KDSR: variants seen among roughly 807,000 people sequenced by gnomAD.
The protein encoded by KDSR is 3-ketodihydrosphingosine reductase.
In KDSR, 23 loss-of-function variants were observed where a neutral mutation model predicts 41.3. That is an observed-to-expected ratio of 0.56 (90% CI 0.40 to 0.79). KDSR has a LOEUF of 0.79. Among genes scored for constraint, KDSR ranks in the 30% least tolerant of loss-of-function variants. The pLI is 0.00. For synonymous variants in KDSR, 138 were observed against 151.7 expected (o/e 0.91, Z 0.66); for missense variants, 351 against 416.8 (o/e 0.84, Z 1.37).
At position 63,327,983 on chromosome 18, in the gene KDSR, G is replaced by A. The variant is rs986820997; in HGVS notation, c.*3799C>T. 4.0e-5 allele frequency: 8 copies of A among 201,932 alleles called. No individual in the cohort carries two copies. The highest frequency in any genetic ancestry group is 9.2e-5 in the African/African-American group (4 of 43,474). 12.5% of individuals were successfully genotyped at this position (201,932 alleles called of 1,614,324 possible). A position where few individuals can be genotyped will look rare whatever the true frequency, so the allele number is the denominator to read the frequency against. On this transcript the variant is annotated 3_prime_UTR_variant, in exon 10 of 10. Coordinates refer to ENST00000645214, the MANE Select transcript of KDSR (RefSeq NM_002035.4). ...CAGTTACTGCACTGAAGTATAATCC[G>A]AAGAGCAAGATTTAGTCCAGAATAT... is the stretch of plus-strand genomic sequence containing the variant.
intron 9 of KDSR, among the ~76,000 whole-genome samples, chr18:63,333,172 G>A (rs1352085655): frequency 6.6e-6 from 1 of 152,092 alleles, no homozygotes; most frequent in Non-Finnish European, 1.5e-5. Context: ...GCTCACTGTA[G>A]CTTCAGACTT....
intron 1 of KDSR, chr18:63,366,771 C>A (rs957679431): frequency 2.6e-6 from 1 of 379,428 alleles, no homozygotes; most frequent in African/African-American, 2.1e-5. Context: ...CGGCGGGGTC[C>A]CCCGTCGCAC....
Position 63,338,305 on chromosome 18 carries a change from C to G in KDSR, c.777+495G>C, listed in dbSNP as rs540856622. Among the ~76,000 whole-genome samples the G allele has an allele frequency of 3.3e-5, 5 of 152,318 alleles. No homozygotes were observed. The South Asian group carries it at 1.0e-3, about 32-fold the overall frequency. ...AAAAGCATGAGGCACATATGTTGTTCTTCTACAAAACAGCACATCATTTCT... is the reference window on the plus strand; with the variant it reads ...AAAAGCATGAGGCACATATGTTGTTGTTCTACAAAACAGCACATCATTTCT... On this transcript the variant is annotated intron_variant, in intron 8 of 9. Transcript: ENST00000645214.
Position 63,362,814 on chromosome 18 carries a change from G to T in KDSR, c.163C>A (p.Gln55Lys), listed in dbSNP as rs769130769. 1 of 1,613,604 alleles carries T rather than the reference G, an allele frequency of 6.2e-7. No individual in the cohort carries two copies. Among genetic ancestry groups the T allele is most frequent in the Non-Finnish European group, 8.5e-7 (1 of 1,179,628 alleles). Reference sequence around the variant, plus strand: ...GCAACCAGAGTTATAAAAGCTCCTTGTTTATAGCACTCGATAGCAATGCAC... The same window carrying T: ...GCAACCAGAGTTATAAAAGCTCCTTTTTTATAGCACTCGATAGCAATGCAC... The part of the protein sequence containing the change: ...GKCIAIECYK[Q>K]GAFITLVARN... Residue 55 changes from glutamine (Q) to lysine (K), a missense_variant, in exon 2 of 10, where the codon CAA (glutamine) becomes AAA (lysine). Transcript: ENST00000645214.
At position 63,331,002 on chromosome 18, in the gene KDSR, A is replaced by G. The variant is rs1032787877; in HGVS notation, c.*780T>C. On this transcript the variant is annotated 3_prime_UTR_variant, in exon 10 of 10. Coordinates refer to ENST00000645214, the MANE Select transcript of KDSR (RefSeq NM_002035.4). Reference sequence around the variant, plus strand: ...ACATTTAAGGAGGCTGCCTTTCCCCATGAATGAGAAATGAAACGTTCCCTA... The same window carrying G: ...ACATTTAAGGAGGCTGCCTTTCCCCGTGAATGAGAAATGAAACGTTCCCTA... 7 of 231,788 alleles carry G rather than the reference A, an allele frequency of 3.0e-5. No individual in the cohort carries two copies. Among genetic ancestry groups the G allele is most frequent in the Admixed American group, 2.8e-4 (5 of 17,726 alleles). The allele number at this position is 231,788 out of a possible 1,614,324, so 14.4% of individuals were successfully genotyped here.
chr18:63,361,166 C>T (rs1332322304), intron 2 of KDSR, among the ~76,000 whole-genome samples: 5 of 120,784 alleles, frequency 4.1e-5, no homozygotes, highest in Non-Finnish European at 6.6e-5. Flanking sequence ...GCCAAGACAG[C>T]GCCACTGCAC....
At chr18:63,363,208 T>C (rs975750157) in intron 1 of KDSR, among the ~76,000 whole-genome samples, 1 of 111,530 alleles carries the variant, frequency 9.0e-6, no homozygotes, top group Non-Finnish European at 1.8e-5. Flanking sequence ...TCTTATTTTC[T>C]TTTTTTTTTT....
Position 63,367,205 on chromosome 18 carries a change from A to C in KDSR, c.-87T>G. On this transcript the variant is annotated 5_prime_UTR_variant, in exon 1 of 10. Coordinates refer to ENST00000645214, the MANE Select transcript of KDSR (RefSeq NM_002035.4). Reference sequence around the variant, plus strand: ...GCTGGGCTGCGGCGAGGCGAGAATCACGCGCGGCGGGCGGGCGCCTGGAGT... The same window carrying C: ...GCTGGGCTGCGGCGAGGCGAGAATCCCGCGCGGCGGGCGGGCGCCTGGAGT... The C allele has an allele frequency of 1.6e-6, 1 of 626,014 alleles. No individual in the cohort carries two copies. 38.8% of individuals were successfully genotyped at this position (626,014 alleles called of 1,614,324 possible). A position where few individuals can be genotyped will look rare whatever the true frequency, so the allele number is the denominator to read the frequency against.
chr18:63,361,556 C>A (rs1412158193), intron 2 of KDSR, among the ~76,000 whole-genome samples: 5 of 152,112 alleles, frequency 3.3e-5, no homozygotes, highest in African/African-American at 4.8e-5. Context: ...GTGGCTCACA[C>A]CTGTAATCCC....
chr18:63,366,797 G>A (rs553820243), intron 1 of KDSR: 12 of 386,788 alleles, frequency 3.1e-5, no homozygotes, highest in African/African-American at 1.5e-4. Context: ...CCGGCCCTAG[G>A]AGGAGCCCGA....
intron 5 of KDSR, among the ~76,000 whole-genome samples, chr18:63,351,970 A>T (rs1195810939): frequency 6.6e-6 from 1 of 151,978 alleles, no homozygotes; most frequent in Non-Finnish European, 1.5e-5. Context: ...TTTTTGTAGT[A>T]ACAGGGTCCT....
chr18:63,348,479 C>T (rs972847677), intron 6 of KDSR, among the ~76,000 whole-genome samples: 1 of 152,132 alleles, frequency 6.6e-6, no homozygotes, highest in Non-Finnish European at 1.5e-5. Flanking sequence ...AGTTCTACTA[C>T]GAACAAACTA....
intron 2 of KDSR, among the ~76,000 whole-genome samples, chr18:63,361,737 C>T (rs959608227): frequency 6.6e-6 from 1 of 152,072 alleles, no homozygotes; most frequent in African/African-American, 2.4e-5. Flanking sequence ...ATCACTTGAA[C>T]CCAGGAGGCA....
chr18:63,344,387 A>G, intron 7 of KDSR, 23 bp downstream of exon 7: 1 of 1,547,756 alleles, frequency 6.5e-7, no homozygotes, highest in Non-Finnish European at 8.9e-7. Flanking sequence ...AGAGGTTCAA[A>G]TTGGGACATG....
chr18:63,335,263 G>T lies in KDSR; in HGVS notation c.873C>A (p.Leu291=). Reference sequence around the variant, plus strand: ...TAGCCTAGGCAGAGCTTACCTGCTGGAGCCCCTCAGTAATAGAAGTTACTG... The same window carrying T: ...TAGCCTAGGCAGAGCTTACCTGCTGTAGCCCCTCAGTAATAGAAGTTACTG... ...MAPVTSITEG[L]QQVVTMGLFR... The change falls in exon 9 of 10, where the codon CTC becomes CTA. Residue 291 remains leucine (L), a synonymous_variant. Transcript: ENST00000645214. 1.2e-6 allele frequency: 2 copies of T among 1,610,302 alleles called. No homozygotes were observed. Among genetic ancestry groups the T allele is most frequent in the Non-Finnish European group, 1.7e-6 (2 of 1,176,640 alleles).
In KDSR at chr18:63,359,698, A is replaced by T. The variant is rs144549333; in HGVS notation, c.255+38T>A. On this transcript the variant is annotated intron_variant, in intron 3 of 9. Coordinates refer to ENST00000645214, the MANE Select transcript of KDSR (RefSeq NM_002035.4). ...GTTTTTCCTTTATACAGCTGTGCTG[A>T]GTTATACAGAAAATGCATTCTGAAG... is the stretch of plus-strand genomic sequence containing the variant. 540 of 1,316,742 alleles carry T rather than the reference A, an allele frequency of 4.1e-4. 3 individuals carry two copies. The African/African-American group carries it at 6.9e-3, about 17-fold the overall frequency. The allele number at this position is 1,316,742 out of a possible 1,614,324, so 81.6% of individuals were successfully genotyped here.
chr18:63,362,447 C>A (rs1436066603), intron 2 of KDSR, among the ~76,000 whole-genome samples: 1 of 152,188 alleles, frequency 6.6e-6, no homozygotes, highest in Non-Finnish European at 1.5e-5. Context: ...GCTTCCAGCA[C>A]TTCTGACCTG....
At chr18:63,361,980 G>A (rs1915001740) in intron 2 of KDSR, among the ~76,000 whole-genome samples, 1 of 152,062 alleles carries the variant, frequency 6.6e-6, no homozygotes, top group African/African-American at 2.4e-5. Context: ...CTTGCACATG[G>A]GTGAATCCAA....
chr18:63,357,592 A>ATTTTT (rs758193283), intron 3 of KDSR, among the ~76,000 whole-genome samples: 2,983 of 117,676 alleles, frequency 0.025, 117 homozygotes, highest in African/African-American at 0.08. Context: ...ATATATATAT[A>ATTTTT]TATTTTTTTT....
Sources: allele counts gnomAD v4.1 joint callset (sites outside exome capture counted in the v4.1 genomes callset), GRCh38; gene constraint gnomAD v4.1.1; transcripts MANE v1.5; gene names NCBI Gene and HGNC (gene_info 2026-07-23, HGNC 2026-07-21).